TNR: variants seen among roughly 807,000 people sequenced by gnomAD.
TNR encodes tenascin-R.
A neutral mutation model predicts 150.4 loss-of-function variants in TNR; 45 were observed. That is an observed-to-expected ratio of 0.30 (90% confidence interval 0.24 to 0.38). TNR has a LOEUF of 0.38. Ranked by LOEUF, TNR falls within the 10% of genes least tolerant of loss-of-function variation. The pLI, the probability that TNR is intolerant of heterozygous loss-of-function variation, is 1.00. For synonymous variants in TNR, 687 were observed against 678.4 expected (o/e 1.01, Z -0.20); for missense variants, 1,544 against 1,759.1 (o/e 0.88, Z 2.19).
chr1:175,323,523 ACGCCCCACTT>A lies in TNR; in HGVS notation c.3958-57_3958-48del. 3.8e-6 allele frequency: 6 copies of A among 1,599,322 alleles called. No homozygotes were observed. In the Admixed American group the frequency reaches 6.8e-5, roughly 18 times the overall value. On this transcript the variant is annotated intron_variant, in intron 22 of 22. Coordinates refer to ENST00000367674, the MANE Select transcript of TNR (RefSeq NM_003285.3). ...ATGTCAGGTCATCCCCCACCATGGA[ACGCCCCACTT>A]CAAAAAAGGGGTAATTATGGGAACA...
chr1:175,733,935 C>CA (rs774605861), intron 1 of TNR, among the ~76,000 whole-genome samples: 2 of 12,148 alleles, frequency 1.6e-4, no homozygotes, highest in African/African-American at 4.0e-4. Flanking sequence ...GTTATGAGGA[C>CA]ATAGCCAGGC....
chr1:175,711,786 G>C (rs77605232), intron 1 of TNR, among the ~76,000 whole-genome samples: 3 of 152,310 alleles, frequency 2.0e-5, no homozygotes, highest in Non-Finnish European at 2.9e-5. Context: ...AGCAGTCGAG[G>C]TTTTTGGTAT....
intron 4 of TNR, among the ~76,000 whole-genome samples, chr1:175,399,759 T>C (rs1295694823): frequency 6.6e-6 from 1 of 152,222 alleles, no homozygotes; most frequent in Non-Finnish European, 1.5e-5. Context: ...GAGCATGCTG[T>C]TAAAGAGGAA....
Position 175,601,370 on chromosome 1 carries a change from G to A in TNR, c.-164-73001C>T, listed in dbSNP as rs1010890310. 3.9e-5 allele frequency among the ~76,000 whole-genome samples: 6 copies of A among 152,190 alleles called. No individual in the cohort carries two copies. The South Asian group carries it at 1.2e-3, about 31-fold the overall frequency. On this transcript the variant is annotated intron_variant, in intron 1 of 22. Coordinates refer to ENST00000367674, the MANE Select transcript of TNR (RefSeq NM_003285.3). ...AACTTAGTCTTTCAATTTGATATATGTTTGCATGTCTTTGGGGGACTTAGT... is the reference window on the plus strand; with the variant it reads ...AACTTAGTCTTTCAATTTGATATATATTTGCATGTCTTTGGGGGACTTAGT...
chr1:175,657,763 C>A (rs1288592951), intron 1 of TNR, among the ~76,000 whole-genome samples: 10 of 86,230 alleles, frequency 1.2e-4, no homozygotes, highest in African/African-American at 4.8e-4. Flanking sequence ...CACACTGGGG[C>A]CTGTTGTGGG....
intron 9 of TNR, among the ~76,000 whole-genome samples, chr1:175,374,237 C>T (rs545025507): frequency 9.2e-5 from 14 of 152,294 alleles, no homozygotes; most frequent in African/African-American, 2.9e-4. Context: ...CAGACAAGCA[C>T]GTGGCCTGCC....
intron 1 of TNR, among the ~76,000 whole-genome samples, chr1:175,653,291 C>T (rs988493280): frequency 1.3e-5 from 2 of 152,172 alleles, no homozygotes; most frequent in Non-Finnish European, 2.9e-5. Flanking sequence ...ACGTAGCCAA[C>T]GCATAGCATG....
At chr1:175,325,465 C>T (rs935998731) in intron 21 of TNR, among the ~76,000 whole-genome samples, 5 of 152,228 alleles carry the variant, frequency 3.3e-5, no homozygotes, top group Admixed American at 2.6e-4. Flanking sequence ...TGTGGCGATT[C>T]CTCAAGGATC....
chr1:175,578,973 C>A (rs1290587142), intron 1 of TNR, among the ~76,000 whole-genome samples: 2 of 152,188 alleles, frequency 1.3e-5, no homozygotes, highest in African/African-American at 4.8e-5. Flanking sequence ...AGGCCAGGAA[C>A]TCTTTGCCTT....
rs770159820 is a variant in TNR at position 175,391,459 on chromosome 1, G to A, written c.1357-21C>T. The A allele has an allele frequency of 1.9e-6, 3 of 1,607,550 alleles. No homozygotes were observed. In the African/African-American group the frequency reaches 4.0e-5, roughly 22 times the overall value. ...TTGTTCTGGACAGTGGGGAGAAGCA[G>A]AGAGCAAAAGAGAAAAGTCACTGGG... On this transcript the variant is annotated intron_variant, in intron 6 of 22. Coordinates refer to ENST00000367674, the MANE Select transcript of TNR (RefSeq NM_003285.3).
At chr1:175,703,566 A>G (rs1666761987) in intron 1 of TNR, among the ~76,000 whole-genome samples, 1 of 152,220 alleles carries the variant, frequency 6.6e-6, no homozygotes. Context: ...TGATGACTTT[A>G]ATTAAGATGT....
chr1:175,730,653 C>A (rs1667613335), intron 1 of TNR, among the ~76,000 whole-genome samples: 1 of 152,206 alleles, frequency 6.6e-6, no homozygotes, highest in Non-Finnish European at 1.5e-5. Context: ...CAGAGAATGT[C>A]TTTATTCTCA....
chr1:175,602,242 T>C (rs1485169090), intron 1 of TNR, among the ~76,000 whole-genome samples: 1 of 141,520 alleles, frequency 7.1e-6, no homozygotes, highest in Middle Eastern at 3.7e-3. Flanking sequence ...ATAGCGTTCC[T>C]GTAATTGTCA....
At chr1:175,496,389 G>C (rs1005841174) in intron 2 of TNR, among the ~76,000 whole-genome samples, 1 of 152,096 alleles carries the variant, frequency 6.6e-6, no homozygotes, top group Non-Finnish European at 1.5e-5. Context: ...CGCACACATG[G>C]CTCCTTATTC....
At chr1:175,612,850 T>A (rs1219737118) in intron 1 of TNR, among the ~76,000 whole-genome samples, 1 of 152,224 alleles carries the variant, frequency 6.6e-6, no homozygotes, top group African/African-American at 2.4e-5. Context: ...TTGATTCCAA[T>A]CATTTACTCA....
At chr1:175,710,062 G>A (rs1012955553) in intron 1 of TNR, among the ~76,000 whole-genome samples, 5 of 152,056 alleles carry the variant, frequency 3.3e-5, no homozygotes, top group African/African-American at 9.7e-5. Flanking sequence ...GATTCGACTT[G>A]CATTATTCGA....
intron 1 of TNR, among the ~76,000 whole-genome samples, chr1:175,572,222 A>G (rs1396031329): frequency 6.6e-6 from 1 of 152,202 alleles, no homozygotes; most frequent in Non-Finnish European, 1.5e-5. Flanking sequence ...TGGCTTAAAG[A>G]GTAGCCACTG....
rs376041021 is a variant in TNR at position 175,352,119 on chromosome 1, C to T, written c.3382+2272G>A. Among the ~76,000 whole-genome samples, 42 of 152,294 alleles carry T rather than the reference C, an allele frequency of 2.8e-4. No homozygotes were observed. The South Asian group carries it at 8.7e-3, about 32-fold the overall frequency. On this transcript the variant is annotated intron_variant, in intron 18 of 22. Transcript: ENST00000367674. Reference sequence around the variant, plus strand: ...GGGATCCCAGATCCAAAAAACTGTACACTGCTTGGCGCAGCTGCATCTAAG... The same window carrying T: ...GGGATCCCAGATCCAAAAAACTGTATACTGCTTGGCGCAGCTGCATCTAAG...
At chr1:175,682,087 T>C (rs565654493) in intron 1 of TNR, among the ~76,000 whole-genome samples, 1 of 152,204 alleles carries the variant, frequency 6.6e-6, no homozygotes, top group Non-Finnish European at 1.5e-5. Context: ...AGGATGGTTT[T>C]AATCCTGAGA....
Sources: allele counts gnomAD v4.1 joint callset (sites outside exome capture counted in the v4.1 genomes callset), GRCh38; gene constraint gnomAD v4.1.1; transcripts MANE v1.5; gene names NCBI Gene and HGNC (gene_info 2026-07-23, HGNC 2026-07-21).